FPGS: variants seen among roughly 807,000 people sequenced by gnomAD.
FPGS encodes folylpolyglutamate synthase, also known as folylpolyglutamate synthase, mitochondrial.
Under a neutral mutation model 66.5 loss-of-function variants are expected in FPGS, and 53 were observed. That is an observed-to-expected ratio of 0.80 (90% CI 0.64 to 1.00). FPGS has a LOEUF of 1.00. Among genes scored for constraint, FPGS ranks in the 50% least tolerant of loss-of-function variants. The pLI, the probability that FPGS is intolerant of heterozygous loss-of-function variation, is 0.00. For synonymous variants in FPGS, 348 were observed against 350.9 expected, an observed-to-expected ratio of 0.99 and a Z score of 0.09; for missense variants, 702 against 807.7, an observed-to-expected ratio of 0.87 and a Z score of 1.59.
chr9:127,804,464 G>A (rs370832489), intron 2 of FPGS, 35 bp from the exon 3 acceptor site: 28 of 1,613,700 alleles, frequency 1.7e-5, no homozygotes, highest in South Asian at 4.4e-5. Flanking sequence ...TGTGATTCCC[G>A]TAGCTGAGGC....
chr9:127,808,077 G>A (rs900179145), intron 8 of FPGS, 157 bp from the exon 9 acceptor site: 23 of 628,648 alleles, frequency 3.7e-5, no homozygotes, highest in Admixed American at 2.5e-4. Flanking sequence ...CAGCACTCCA[G>A]CCTGGGTGAC....
At position 127,807,692 on chromosome 9, in the gene FPGS, A is replaced by G; in HGVS notation, c.744+4A>G. 6.4e-7 allele frequency: 1 copy of G among 1,560,602 alleles called. No homozygotes were observed. The highest frequency in any genetic ancestry group is 1.2e-5 in the South Asian group (1 of 84,766). On this transcript the variant is annotated splice_donor_region_variant and intron_variant, in intron 8 of 14. Coordinates refer to ENST00000373247, the MANE Select transcript of FPGS (RefSeq NM_004957.6). The surrounding 1 kb of genome is among the most constrained non-coding windows in gnomAD (Gnocchi z 5.8). Reference sequence around the variant, plus strand: ...GCAGAAAGGGGGCATCTTTAAGGTGACCAGGCAGACTGGGGGAAGGGAGAG... The same window carrying G: ...GCAGAAAGGGGGCATCTTTAAGGTGGCCAGGCAGACTGGGGGAAGGGAGAG...
downstream of FPGS, chr9:127,814,180 C>T (rs746210449): frequency 8.4e-5 from 83 of 985,010 alleles, no homozygotes; most frequent in Non-Finnish European, 9.5e-5. Context: ...TGGCCTGGAA[C>T]AAGTCCCTCC....
chr9:127,803,159 A>T, intron 1 of FPGS, 97 bp downstream of exon 1: 2 of 1,180,024 alleles, frequency 1.7e-6, no homozygotes, highest in African/African-American at 1.7e-5. Context: ...CCGAGAGGGT[A>T]TCGGGAGCCC....
chr9:127,810,172 TG>T (rs1343562948), intron 13 of FPGS, 66 bp downstream of exon 13: 13 of 1,350,726 alleles, frequency 9.6e-6, no homozygotes, highest in African/African-American at 2.9e-5. Context: ...GGTGTGACCC[TG>T]GGGGGTGCCA....
At position 127,807,090 on chromosome 9, in the gene FPGS, GC is replaced by G. The variant is rs1408957247; in HGVS notation, c.501+5del. 1 of 1,613,470 alleles carries G rather than the reference GC, an allele frequency of 6.2e-7. No individual in the cohort carries two copies. The highest frequency in any genetic ancestry group is 1.1e-5 in the South Asian group (1 of 91,066). On this transcript the variant is annotated splice_donor_region_variant and intron_variant, in intron 5 of 14. Coordinates refer to ENST00000373247, the MANE Select transcript of FPGS (RefSeq NM_004957.6). The surrounding 1 kb of genome is among the most constrained non-coding windows in gnomAD (Gnocchi z 5.8). Reference sequence around the variant, plus strand: ...ACCACCGGCTGGAGGAGACCAAGGTGCCGCATGCAGGAGGGCTGGCGGGTGG... The same window carrying G: ...ACCACCGGCTGGAGGAGACCAAGGTGCGCATGCAGGAGGGCTGGCGGGTGG...
rs1209352342 is a variant in FPGS, at chr9:127,803,027, T to C, written c.103T>C (p.Trp35Arg). Reference protein sequence around the residue: ...QVAARRGLSAWPVPQEPSMEY... With the variant: ...QVAARRGLSARPVPQEPSMEY... ...CGCGGCGCGGCGGGGCTTGAGCGCG[T>C]GGCCGGTGCCGCAGGAGCCGAGCAT... Residue 35 changes from tryptophan (W) to arginine (R), a missense_variant, in exon 1 of 15, where the codon TGG (tryptophan) becomes CGG (arginine). Transcript: ENST00000373247. 2.1e-6 allele frequency: 3 copies of C among 1,456,486 alleles called. No homozygotes were observed. Among genetic ancestry groups the C allele is most frequent in the Middle Eastern group, 2.4e-4 (1 of 4,154 alleles). The allele number at this position is 1,456,486 out of a possible 1,614,324, so 90.2% of individuals were successfully genotyped here. A position where few individuals can be genotyped will look rare whatever the true frequency, so the allele number is the denominator to read the frequency against.
In FPGS at chr9:127,804,547, G is replaced by C. The variant is rs778105218; in HGVS notation, c.316G>C (p.Gly106Arg). ...CATCATCCACGTCACTGGGACGAAG[G>C]GGAAGGTGAGGGGCAGGACCCTGGG... is the stretch of plus-strand genomic sequence containing the variant. The part of the protein sequence containing the change: ...LNIIHVTGTK[G>R]KGSTCAFTEC... Residue 106 changes from glycine (G) to arginine (R), a missense_variant, in exon 3 of 15, where the codon GGG (glycine) becomes CGG (arginine). Gly to Arg is a moderately radical substitution (Grantham distance 125, BLOSUM62 -2). Around this residue, in one of 3 missense-constraint regions of FPGS, gnomAD observed 240 missense variants for 348.6 expected, o/e 0.69. Transcript: ENST00000373247. 1 of 1,614,204 alleles carries C rather than the reference G, an allele frequency of 6.2e-7. No individual in the cohort carries two copies. Among genetic ancestry groups the C allele is most frequent in the Admixed American group, 1.7e-5 (1 of 60,016 alleles).
rs373121533 is a variant in FPGS, at chr9:127,810,907, C to T, written c.1288-38C>T. ...ATATGGAAGTTGGTGGACATCCTTT[C>T]GGGGGTCTGACACCAAGTCTTTCCC... On this transcript the variant is annotated intron_variant, in intron 13 of 14. Coordinates refer to ENST00000373247, the MANE Select transcript of FPGS (RefSeq NM_004957.6). The T allele has an allele frequency of 4.9e-5, 59 of 1,214,014 alleles. No individual in the cohort carries two copies. The African/African-American group carries it at 5.7e-4, about 12-fold the overall frequency. The allele number at this position is 1,214,014 out of a possible 1,614,324, so 75.2% of individuals were successfully genotyped here.
At chr9:127,810,727 A>T (rs1190131761) in intron 13 of FPGS, among the ~76,000 whole-genome samples, 2 of 152,094 alleles carry the variant, frequency 1.3e-5, no homozygotes, top group Non-Finnish European at 2.9e-5. Flanking sequence ...CCCTGTCTGT[A>T]CAGTAGGTTG....
At chr9:127,806,670 GCAGA>G in intron 4 of FPGS, 1 of 399,480 alleles carries the variant, frequency 2.5e-6, no homozygotes, top group South Asian at 3.2e-5. Flanking sequence ...ACAGATGTCA[GCAGA>G]GTGACTGATT....
In FPGS at chr9:127,802,906, T is replaced by A. The variant is rs1829653800; in HGVS notation, c.-19T>A. ...CGTCTCCCGCCCGGGCCTAGAGCGC[T>A]GCCGGGGGCGCCGGGACTATGTCGC... is the stretch of plus-strand genomic sequence containing the variant. On this transcript the variant is annotated 5_prime_UTR_variant, in exon 1 of 15. Coordinates refer to ENST00000373247, the MANE Select transcript of FPGS (RefSeq NM_004957.6). 1 of 1,351,618 alleles carries A rather than the reference T, an allele frequency of 7.4e-7. No individual in the cohort carries two copies. The highest frequency in any genetic ancestry group is 9.4e-7 in the Non-Finnish European group (1 of 1,058,602). The allele number at this position is 1,351,618 out of a possible 1,614,324, so 83.7% of individuals were successfully genotyped here.
At position 127,808,551 on chromosome 9, in the gene FPGS, C is replaced by T. The variant is rs1829917763; in HGVS notation, c.823-7C>T. The T allele has an allele frequency of 8.1e-6, 13 of 1,612,504 alleles. No individual in the cohort carries two copies. Among genetic ancestry groups the T allele is most frequent in the Non-Finnish European group, 1.0e-5 (12 of 1,179,790 alleles). On this transcript the variant is annotated splice_polypyrimidine_tract_variant and splice_region_variant and intron_variant, in intron 9 of 14. Transcript: ENST00000373247. ...TCTGCTGACCCGCTCCTGCCTGTCT[C>T]CCCTAGTGTCCTCTATACCTGTGTC...
In FPGS at chr9:127,813,420, T is replaced by A; in HGVS notation, c.1580T>A (p.Ile527Asn). The change falls in exon 15 of 15, where the codon ATC becomes AAC. Residue 527 changes from isoleucine to asparagine, a missense_variant. Physicochemically the swap from Ile to Asn is moderately radical, Grantham distance 149 (BLOSUM62 -3). Transcript: ENST00000373247. ...TGCATTTCACATGCCTTGCAATGGATCAGCCAAGGCCGAGACCCCATCTTC... is the reference window on the plus strand; with the variant it reads ...TGCATTTCACATGCCTTGCAATGGAACAGCCAAGGCCGAGACCCCATCTTC... ...FSCISHALQWISQGRDPIFQP... is the reference protein window; with the variant it reads ...FSCISHALQWNSQGRDPIFQP... The A allele has an allele frequency of 6.2e-7, 1 of 1,610,430 alleles. No individual in the cohort carries two copies. The highest frequency in any genetic ancestry group is 1.1e-5 in the South Asian group (1 of 90,700).
chr9:127,807,600 G>T lies in FPGS; in HGVS notation c.656G>T (p.Cys219Phe). ...CTNIIRKPVV[C>F]GVSSLGIDHT... The stretch of plus-strand genomic sequence containing the variant: ...CTCCCCTGCAGGAAGCCTGTGGTGT[G>T]CGGAGTCTCCTCTCTTGGCATCGAC... Residue 219 changes from cysteine (C) to phenylalanine (F), a missense_variant, in exon 8 of 15, where the codon TGC (cysteine) becomes TTC (phenylalanine). This residue lies in a region of FPGS where 240 missense variants were observed against 348.6 expected (regional missense o/e 0.69). Coordinates refer to ENST00000373247, the MANE Select transcript of FPGS (RefSeq NM_004957.6). This position sits in a 1 kb window ranked among gnomAD's most constrained non-coding sequence, Gnocchi z 5.8. 6.2e-7 allele frequency: 1 copy of T among 1,613,098 alleles called. No homozygotes were observed. The highest frequency in any genetic ancestry group is 1.7e-5 in the Admixed American group (1 of 59,570).
chr9:127,808,329 G>A lies in FPGS; in HGVS notation c.822+18G>A. On this transcript the variant is annotated intron_variant, in intron 9 of 14. Coordinates refer to ENST00000373247, the MANE Select transcript of FPGS (RefSeq NM_004957.6). Reference sequence around the variant, plus strand: ...AGATCTCAGTAAGTCTGATTGGAATGGGGCAGCGGCAGGGTGGGTTTGTGT... The same window carrying A: ...AGATCTCAGTAAGTCTGATTGGAATAGGGCAGCGGCAGGGTGGGTTTGTGT... The A allele has an allele frequency of 1.9e-6, 3 of 1,607,860 alleles. No homozygotes were observed. Among genetic ancestry groups the A allele is most frequent in the Non-Finnish European group, 2.6e-6 (3 of 1,174,352 alleles).
intron 14 of FPGS, 58 bp from the exon 15 acceptor site, chr9:127,813,137 A>T: frequency 6.7e-7 from 1 of 1,499,836 alleles, no homozygotes; most frequent in Non-Finnish European, 8.9e-7. Flanking sequence ...CCCTTTCTCC[A>T]CCCCTGTCCC....
At position 127,807,563 on chromosome 9, in the gene FPGS, C is replaced by T; in HGVS notation, c.642-23C>T. The T allele has an allele frequency of 1.2e-6, 2 of 1,612,618 alleles. No homozygotes were observed. Among genetic ancestry groups the T allele is most frequent in the Non-Finnish European group, 1.7e-6 (2 of 1,178,908 alleles). On this transcript the variant is annotated intron_variant, in intron 7 of 14. Transcript: ENST00000373247. The surrounding 1 kb of genome is among the most constrained non-coding windows in gnomAD (Gnocchi z 5.8). ...CGCCTGGTGGCTCAGGGCAGGGCCT[C>T]ATGGCCTTTTCCTCCCCTGCAGGAA...
chr9:127,806,610 T>G, intron 4 of FPGS: 21 of 232,936 alleles, frequency 9.0e-5, no homozygotes, highest in East Asian at 2.8e-4. Flanking sequence ...AGCTTGAACA[T>G]TGGTTGTGGG....
Sources: gnomAD v4.1 joint callset for allele counts (sites outside exome capture counted in the v4.1 genomes callset) on GRCh38, gnomAD v4.1.1 for gene constraint, gnomAD v4.1.1 regional missense constraint, Gnocchi (gnomAD v3.1) non-coding constraint, MANE v1.5 for transcripts, NCBI Gene and HGNC (gene_info 2026-07-23, HGNC 2026-07-21) for gene names.